TAB2: variants seen among roughly 807,000 people sequenced by gnomAD.
TAB2 encodes TGF-beta activated kinase 1 (MAP3K7) binding protein 2.
Under a neutral mutation model 65.0 loss-of-function variants are expected in TAB2, and 3 were observed. The ratio of observed to expected loss-of-function variants is 0.05; its 90% CI spans 0.02 to 0.12. The LOEUF (loss-of-function observed/expected upper bound fraction) is 0.12, where lower values mean the gene tolerates loss of function less well. Among genes scored for constraint, TAB2 ranks in the 10% least tolerant of loss-of-function variants. TAB2 has a pLI of 1.00. For missense variants in TAB2, 623 were observed against 840.3 expected, an observed-to-expected ratio of 0.74 and a Z score of 3.20; for synonymous variants, 298 against 285.1, an observed-to-expected ratio of 1.05 and a Z score of -0.46.
chr6:149,326,230 A>G (rs963693247), intron 1 of TAB2, among the ~76,000 whole-genome samples: 1 of 151,392 alleles, frequency 6.6e-6, no homozygotes, highest in Non-Finnish European at 1.5e-5. Flanking sequence ...GTAGATTAAG[A>G]CAAAAATTTT....
At chr6:149,405,841 G>A (rs1583166689) in intron 6 of TAB2, among the ~76,000 whole-genome samples, 2 of 152,066 alleles carry the variant, frequency 1.3e-5, no homozygotes, top group Admixed American at 1.3e-4. Context: ...TGTGACTGTA[G>A]TTAACAGTAG....
chr6:149,395,695 A>G (rs1304591345), intron 3 of TAB2, among the ~76,000 whole-genome samples: 1 of 146,148 alleles, frequency 6.8e-6, no homozygotes, highest in African/African-American at 2.5e-5. Context: ...CCTTTGTTTT[A>G]TTGTCAGAGC....
intron 2 of TAB2, among the ~76,000 whole-genome samples, chr6:149,375,024 GT>G (rs1452335343): frequency 1.3e-5 from 2 of 152,138 alleles, no homozygotes; most frequent in Non-Finnish European, 2.9e-5. Context: ...CTTTAATTTA[GT>G]GCTATTTGAA....
At chr6:149,319,348 G>T (rs1420353929) in intron 1 of TAB2, among the ~76,000 whole-genome samples, 2 of 152,110 alleles carry the variant, frequency 1.3e-5, no homozygotes, top group Non-Finnish European at 2.9e-5. Context: ...ATGAAATCAC[G>T]ATTTTAAACT....
rs184621482 is a variant in TAB2, at chr6:149,383,974, A to G, written c.1603+4456A>G. On this transcript the variant is annotated intron_variant, in intron 3 of 6. Transcript: ENST00000637181. ...AATGCATCTTTTCTGCTTTTACCCT[A>G]CATAGTTCACAGACACTCTCTGCAG... is the stretch of plus-strand genomic sequence containing the variant. Among the ~76,000 whole-genome samples the G allele has an allele frequency of 5.3e-5, 8 of 152,280 alleles. No individual in the cohort carries two copies. In the East Asian group the frequency reaches 1.5e-3, roughly 29 times the overall value.
At chr6:149,273,082 C>T (rs1778393312) in intron 1 of TAB2, among the ~76,000 whole-genome samples, 1 of 152,088 alleles carries the variant, frequency 6.6e-6, no homozygotes, top group African/African-American at 2.4e-5. Context: ...GAAACTGGTC[C>T]CTGGCGACAA....
At chr6:149,382,147 A>T (rs1460841510) in intron 3 of TAB2, among the ~76,000 whole-genome samples, 2 of 152,190 alleles carry the variant, frequency 1.3e-5, no homozygotes, top group African/African-American at 4.8e-5. Flanking sequence ...CCACCTGCTC[A>T]CTGTGTTCCA....
intron 1 of TAB2, among the ~76,000 whole-genome samples, chr6:149,277,131 T>C (rs1053211750): frequency 5.9e-5 from 9 of 152,222 alleles, no homozygotes; most frequent in African/African-American, 2.2e-4. Context: ...TGTGGGACTG[T>C]GAGTAAATTA....
chr6:149,388,758 C>A (rs1414850542), intron 3 of TAB2, among the ~76,000 whole-genome samples: 2 of 152,014 alleles, frequency 1.3e-5, no homozygotes, highest in Non-Finnish European at 2.9e-5. Flanking sequence ...TATGAACTTG[C>A]CTATTTCTGT....
chr6:149,245,722 T>C (rs182983426), intron 1 of TAB2, among the ~76,000 whole-genome samples: 153 of 152,294 alleles, frequency 1.0e-3, no homozygotes, highest in Non-Finnish European at 1.8e-3. Context: ...CTTGCTTTGC[T>C]CACTTAATAA....
intron 1 of TAB2, among the ~76,000 whole-genome samples, chr6:149,303,515 A>G (rs567995): frequency 0.45 from 68,501 of 152,108 alleles, 19,038 homozygotes; most frequent in African/African-American, 0.8. Flanking sequence ...ATAAATATAA[A>G]CATACATAAA....
At chr6:149,268,122 C>T (rs115728411) in intron 1 of TAB2, among the ~76,000 whole-genome samples, 1 of 152,108 alleles carries the variant, frequency 6.6e-6, no homozygotes, top group Non-Finnish European at 1.5e-5. Flanking sequence ...AGTGGCTTAA[C>T]CATGAAGGCA....
At chr6:149,389,791 A>G (rs1455951338) in intron 3 of TAB2, among the ~76,000 whole-genome samples, 3 of 152,124 alleles carry the variant, frequency 2.0e-5, no homozygotes, top group African/African-American at 7.2e-5. Flanking sequence ...AAAGTTTTAG[A>G]TTATATCTTA....
intron 1 of TAB2, among the ~76,000 whole-genome samples, chr6:149,298,257 A>G (rs1778912083): frequency 1.3e-5 from 2 of 152,204 alleles, no homozygotes; most frequent in South Asian, 4.1e-4. Flanking sequence ...GGGAAAAGAC[A>G]TATAGTTTTT....
rs1011581416 is a variant in TAB2, at chr6:149,341,812, C to G, written c.-90+23797C>G. ...TTTTGTCCTATTACAGTTTTCACAA[C>G]ATCTATGATAATTTGAGAGCAGCAG... On this transcript the variant is annotated intron_variant, in intron 1 of 6. Transcript: ENST00000637181. Among the ~76,000 whole-genome samples the G allele has an allele frequency of 2.0e-5, 3 of 152,090 alleles. No individual in the cohort carries two copies. The East Asian group carries it at 5.8e-4, about 29-fold the overall frequency.
intron 6 of TAB2, chr6:149,400,378 C>T: frequency 1.9e-6 from 3 of 1,612,824 alleles, no homozygotes; most frequent in Non-Finnish European, 2.5e-6. Context: ...GCTGAGGAGA[C>T]TCCGGTGTTC....
chr6:149,240,414 C>T (rs1026502583), intron 1 of TAB2, among the ~76,000 whole-genome samples: 6 of 152,186 alleles, frequency 3.9e-5, no homozygotes, highest in Non-Finnish European at 5.9e-5. Context: ...CAGAAAACTG[C>T]CCAGTTAGCC....
intron 3 of TAB2, among the ~76,000 whole-genome samples, chr6:149,382,363 C>T (rs1403620028): frequency 1.3e-5 from 2 of 152,034 alleles, no homozygotes; most frequent in Admixed American, 6.6e-5. Flanking sequence ...TTTGGGAGGC[C>T]GAGGTGGGTG....
chr6:149,269,994 A>G (rs1778330071), intron 1 of TAB2, among the ~76,000 whole-genome samples: 1 of 152,208 alleles, frequency 6.6e-6, no homozygotes. Context: ...GCAAGCATAC[A>G]TTTAACTTTA....
Sources: gnomAD v4.1 joint callset for allele counts (sites outside exome capture counted in the v4.1 genomes callset) on GRCh38, gnomAD v4.1.1 for gene constraint, MANE v1.5 for transcripts, NCBI Gene and HGNC (gene_info 2026-07-23, HGNC 2026-07-21) for gene names.